CWF19L2: variants seen among roughly 807,000 people sequenced by gnomAD.
The protein encoded by CWF19L2 is CWF19 like cell cycle control factor 2.
In CWF19L2, 98 loss-of-function variants were observed where a neutral mutation model predicts 111.7. The observed-to-expected ratio is 0.88, with a 90% CI of 0.75 to 1.04. The LOEUF (loss-of-function observed/expected upper bound fraction) is 1.04. Among genes scored for constraint, CWF19L2 ranks in the 50% least tolerant of loss-of-function variants. CWF19L2 has a pLI of 0.00. For synonymous variants in CWF19L2, 351 were observed against 342.9 expected (o/e 1.02, Z -0.26); for missense variants, 1,101 against 1,051.4 (o/e 1.05, Z -0.65).
chr11:107,402,645 G>C (rs1861017526), intron 10 of CWF19L2, among the ~76,000 whole-genome samples: 1 of 151,848 alleles, frequency 6.6e-6, no homozygotes, highest in Non-Finnish European at 1.5e-5. Context: ...ATGTAAACTA[G>C]TACAGCCACT....
chr11:107,403,342 C>A, intron 10 of CWF19L2: 3 of 541,504 alleles, frequency 5.5e-6, no homozygotes, highest in Middle Eastern at 4.0e-4. Flanking sequence ...TTTTAAAAAA[C>A]CAAAAAACTT....
At position 107,429,462 on chromosome 11, in the gene CWF19L2, GA is replaced by G; in HGVS notation, c.781-12del. ...AAATATTTCCATTGACTACAAAGGA[GA>G]AAAATTAAACAAGATATCTAAAATT... On this transcript the variant is annotated splice_polypyrimidine_tract_variant and intron_variant, in intron 7 of 17. Coordinates refer to ENST00000282251, the MANE Select transcript of CWF19L2 (RefSeq NM_152434.3). 2.0e-6 allele frequency: 3 copies of G among 1,517,076 alleles called. No homozygotes were observed. Among genetic ancestry groups the G allele is most frequent in the Non-Finnish European group, 2.6e-6 (3 of 1,132,402 alleles). 94.0% of individuals were successfully genotyped at this position (1,517,076 alleles called of 1,614,324 possible). A position where few individuals can be genotyped will look rare whatever the true frequency, so the allele number is the denominator to read the frequency against.
chr11:107,443,397 C>T (rs1246571390), intron 3 of CWF19L2, among the ~76,000 whole-genome samples: 1 of 151,982 alleles, frequency 6.6e-6, no homozygotes, highest in African/African-American at 2.4e-5. Flanking sequence ...GCAGGAGAAT[C>T]GCTTGTACCC....
At chr11:107,436,171 A>C (rs981591769) in intron 6 of CWF19L2, among the ~76,000 whole-genome samples, 2 of 151,884 alleles carry the variant, frequency 1.3e-5, no homozygotes, top group African/African-American at 4.8e-5. Flanking sequence ...CCCAAAAAAA[A>C]AAAAAACAAA....
chr11:107,398,987 C>T (rs774048156), intron 10 of CWF19L2, among the ~76,000 whole-genome samples: 1 of 152,160 alleles, frequency 6.6e-6, no homozygotes, highest in Non-Finnish European at 1.5e-5. Flanking sequence ...CAAACACTGA[C>T]TGAGAGAATT....
chr11:107,437,321 T>C (rs916677737), intron 6 of CWF19L2, among the ~76,000 whole-genome samples: 1 of 152,170 alleles, frequency 6.6e-6, no homozygotes, highest in Non-Finnish European at 1.5e-5. Context: ...TGAAGCTAAT[T>C]AGTGGAAATG....
At chr11:107,404,786 G>A (rs952101202) in intron 10 of CWF19L2, among the ~76,000 whole-genome samples, 1 of 152,150 alleles carries the variant, frequency 6.6e-6, no homozygotes, top group Non-Finnish European at 1.5e-5. Flanking sequence ...GAACAAGCTG[G>A]TGCCTCAGAC....
chr11:107,425,179 AACACACACAC>A lies in CWF19L2; in HGVS notation c.1433+3610_1433+3619del, dbSNP rs138792527. Among the ~76,000 whole-genome samples the A allele has an allele frequency of 3.1e-3, 445 of 144,938 alleles. 1 individual carries two copies. The highest frequency in any genetic ancestry group is 5.2e-3 in the Non-Finnish European group (337 of 65,216). On this transcript the variant is annotated intron_variant, in intron 8 of 17. Transcript: ENST00000282251. Reference sequence around the variant, plus strand: ...TCACATTAAAATGTACTCTCTTTGAAACACACACACACACACACACACACACACACACACA... The same window carrying A: ...TCACATTAAAATGTACTCTCTTTGAAACACACACACACACACACACACACA...
At chr11:107,350,891 G>T (rs894592475) in intron 13 of CWF19L2, among the ~76,000 whole-genome samples, 1 of 152,170 alleles carries the variant, frequency 6.6e-6, no homozygotes, top group African/African-American at 2.4e-5. Context: ...GGAAAAGCAT[G>T]TGAGGAGGAT....
At chr11:107,442,868 A>AGGAGGGAG in intron 4 of CWF19L2, 71 bp downstream of exon 4, 1 of 522,450 alleles carries the variant, frequency 1.9e-6, no homozygotes, top group Non-Finnish European at 3.1e-6. Flanking sequence ...TAGAGAGGGA[A>AGGAGGGAG]GGAGGGAGGG....
intron 12 of CWF19L2, among the ~76,000 whole-genome samples, chr11:107,388,296 CTTAA>C (rs1364802784): frequency 3.9e-5 from 6 of 152,188 alleles, no homozygotes; most frequent in African/African-American, 1.4e-4. Flanking sequence ...CAAACTTTGA[CTTAA>C]TTGCTTCTCT....
intron 10 of CWF19L2, among the ~76,000 whole-genome samples, chr11:107,413,117 T>C (rs767521732): frequency 6.6e-6 from 1 of 152,110 alleles, no homozygotes. Context: ...TAATGTAAAC[T>C]ATAGACTTTG....
chr11:107,427,466 T>C (rs1030005442), intron 8 of CWF19L2, among the ~76,000 whole-genome samples: 23 of 152,126 alleles, frequency 1.5e-4, no homozygotes, highest in African/African-American at 5.5e-4. Context: ...TGTATTATAG[T>C]GTATCTATCA....
At chr11:107,381,546 T>C (rs1025417990) in intron 12 of CWF19L2, among the ~76,000 whole-genome samples, 19 of 152,330 alleles carry the variant, frequency 1.2e-4, no homozygotes, top group Admixed American at 2.0e-4. Context: ...AATGATTTCA[T>C]ACTCTTGGAT....
rs185913800 is a variant in CWF19L2 at position 107,416,310 on chromosome 11, A to G, written c.1528-12T>C. 666 of 1,219,600 alleles carry G rather than the reference A, an allele frequency of 5.5e-4. 6 individuals are homozygous for G. In the African/African-American group the frequency reaches 9.7e-3, roughly 18 times the overall value. The allele number at this position is 1,219,600 out of a possible 1,614,324, so 75.5% of individuals were successfully genotyped here. Reference sequence around the variant, plus strand: ...TGTTCAGCTAATTCCTTCAAAAAGAAAAACAAGTAAAATATGTGCGATATG... The same window carrying G: ...TGTTCAGCTAATTCCTTCAAAAAGAGAAACAAGTAAAATATGTGCGATATG... On this transcript the variant is annotated splice_polypyrimidine_tract_variant and intron_variant, in intron 9 of 17. Transcript: ENST00000282251.
chr11:107,406,459 A>G (rs901417084), intron 10 of CWF19L2, among the ~76,000 whole-genome samples: 10 of 152,198 alleles, frequency 6.6e-5, no homozygotes, highest in Non-Finnish European at 1.5e-4. Context: ...CAGTGGGTGG[A>G]CTGAACACCA....
At chr11:107,339,739 C>A (rs1859978782) in intron 14 of CWF19L2, among the ~76,000 whole-genome samples, 2 of 149,376 alleles carry the variant, frequency 1.3e-5, no homozygotes, top group Admixed American at 1.3e-4. Context: ...GATCTCAACT[C>A]CCTGAAGACT....
chr11:107,335,066 A>G, intron 15 of CWF19L2, 105 bp from the exon 16 acceptor site: 1 of 699,062 alleles, frequency 1.4e-6, no homozygotes, highest in Non-Finnish European at 2.5e-6. Flanking sequence ...TATATTATAC[A>G]TAGTAAGCCA....
chr11:107,364,409 C>A (rs1442241416), intron 12 of CWF19L2, among the ~76,000 whole-genome samples: 2 of 148,352 alleles, frequency 1.3e-5, no homozygotes, highest in African/African-American at 5.1e-5. Flanking sequence ...CCAAAATTGA[C>A]CACATACTTG....
Sources: allele counts gnomAD v4.1 joint callset (sites outside exome capture counted in the v4.1 genomes callset), GRCh38; gene constraint gnomAD v4.1.1; transcripts MANE v1.5; gene names NCBI Gene and HGNC (gene_info 2026-07-23, HGNC 2026-07-21).